Variants in FHIT observed in about 807,000 individuals in gnomAD.
FHIT encodes the protein fragile histidine triad diadenosine triphosphatase.
A neutral mutation model predicts 17.9 loss-of-function variants in FHIT; 19 were observed. That is an observed-to-expected ratio of 1.06 (90% confidence interval 0.74 to 1.56). The LOEUF (loss-of-function observed/expected upper bound fraction) is 1.56, where lower values mean the gene tolerates loss of function less well. Ranked by LOEUF, FHIT falls within the 40% of genes most tolerant of loss-of-function variation. FHIT has a pLI of 0.00. For missense variants in FHIT, 248 were observed against 189.2 expected (o/e 1.31, Z -1.82); for synonymous variants, 81 against 69.7 (o/e 1.16, Z -0.81).
intron 2 of FHIT, among the ~76,000 whole-genome samples, chr3:61,154,282 T>C (rs1282820320): frequency 6.6e-6 from 1 of 152,148 alleles, no homozygotes; most frequent in Non-Finnish European, 1.5e-5. Flanking sequence ...AACATATTAC[T>C]GGAGTAACAA....
intron 8 of FHIT, among the ~76,000 whole-genome samples, chr3:59,888,991 G>T (rs1218604299): frequency 2.6e-5 from 4 of 152,098 alleles, no homozygotes. Context: ...CTACTCCCAT[G>T]ATAACAACAT....
At chr3:60,570,071 A>G (rs1256709107) in intron 4 of FHIT, among the ~76,000 whole-genome samples, 1 of 152,114 alleles carries the variant, frequency 6.6e-6, no homozygotes, top group Admixed American at 6.6e-5. Flanking sequence ...CAAATCAATT[A>G]TATCACAGTC....
intron 8 of FHIT, among the ~76,000 whole-genome samples, chr3:59,828,789 T>C (rs1244063465): frequency 2.0e-5 from 3 of 152,096 alleles, no homozygotes; most frequent in Admixed American, 6.6e-5. Context: ...TTAAGTTTTA[T>C]ACTTTTTTAA....
intron 7 of FHIT, among the ~76,000 whole-genome samples, chr3:59,981,232 T>G (rs1364429868): frequency 6.6e-6 from 1 of 152,164 alleles, no homozygotes; most frequent in Non-Finnish European, 1.5e-5. Flanking sequence ...TATTCCTGAA[T>G]CCAGACACAT....
At chr3:60,459,687 C>T (rs1322355041) in intron 5 of FHIT, among the ~76,000 whole-genome samples, 1 of 152,158 alleles carries the variant, frequency 6.6e-6, no homozygotes. Flanking sequence ...ATGCTTTTCA[C>T]TTAATACTGT....
intron 3 of FHIT, among the ~76,000 whole-genome samples, chr3:61,027,479 T>C (rs74741154): frequency 0.023 from 3,577 of 152,366 alleles, 146 homozygotes; most frequent in African/African-American, 0.079. Context: ...TACATGTATC[T>C]CTTCCTAATT....
intron 7 of FHIT, among the ~76,000 whole-genome samples, chr3:59,947,482 G>C (rs962704252): frequency 2.0e-5 from 3 of 151,934 alleles, no homozygotes; most frequent in Non-Finnish European, 4.4e-5. Context: ...TTGATCTTTT[G>C]TATGGTTTTC....
chr3:60,019,935 C>A (rs1441182902), intron 5 of FHIT, among the ~76,000 whole-genome samples: 1 of 152,140 alleles, frequency 6.6e-6, no homozygotes, highest in East Asian at 1.9e-4. Flanking sequence ...AAACTTATGG[C>A]AGAATAATCG....
At chr3:60,962,229 TTGTC>T (rs1280363105) in intron 3 of FHIT, among the ~76,000 whole-genome samples, 4 of 152,214 alleles carry the variant, frequency 2.6e-5, no homozygotes, top group Non-Finnish European at 4.4e-5. Context: ...GGCTCTCTGT[TTGTC>T]TGTTATTGGT....
intron 5 of FHIT, among the ~76,000 whole-genome samples, chr3:60,354,625 C>T (rs2106959071): frequency 8.8e-6 from 1 of 113,632 alleles, no homozygotes; most frequent in East Asian, 2.0e-4. Flanking sequence ...AGAGGATTAG[C>T]TCACTGCTGA....
In FHIT at chr3:59,802,175, T is replaced by TA. The variant is rs34222977; in HGVS notation, c.349-49855dup. ...ATTTAAAAAATAATTAGACTTGTAT[T>TA]AAAAAAAAAAAATGTGTACCTAGTG... On this transcript the variant is annotated intron_variant, in intron 8 of 9. Coordinates refer to ENST00000492590, the MANE Select transcript of FHIT (RefSeq NM_002012.4). Among the ~76,000 whole-genome samples, 700 of 150,156 alleles carry TA rather than the reference T, an allele frequency of 4.7e-3. 6 individuals are homozygous for TA. Among genetic ancestry groups the TA allele is most frequent in the African/African-American group, 0.016 (633 of 40,766 alleles).
chr3:60,551,801 T>G (rs377174156), intron 4 of FHIT, among the ~76,000 whole-genome samples: 4 of 151,130 alleles, frequency 2.6e-5, no homozygotes, highest in African/African-American at 7.3e-5. Flanking sequence ...TATGCCCCAT[T>G]CCCAGATTAT....
chr3:59,858,976 T>C (rs986338749), intron 8 of FHIT, among the ~76,000 whole-genome samples: 1 of 152,148 alleles, frequency 6.6e-6, no homozygotes, highest in African/African-American at 2.4e-5. Context: ...GTTGACTGGG[T>C]CTCAAAGCAT....
chr3:60,098,899 T>C (rs1396180023), intron 5 of FHIT, among the ~76,000 whole-genome samples: 3 of 152,154 alleles, frequency 2.0e-5, no homozygotes, highest in Non-Finnish European at 4.4e-5. Context: ...TCAGCACCCC[T>C]AACCCCTGTG....
chr3:61,186,067 A>T (rs948457355), intron 2 of FHIT, among the ~76,000 whole-genome samples: 1 of 152,218 alleles, frequency 6.6e-6, no homozygotes, highest in African/African-American at 2.4e-5. Context: ...CATATTTCAC[A>T]TTCAATTTTG....
chr3:59,912,809 A>T lies in FHIT; in HGVS notation c.348+9537T>A, dbSNP rs144143019. Among the ~76,000 whole-genome samples, 528 of 152,318 alleles carry T rather than the reference A, an allele frequency of 3.5e-3. 2 individuals carry two copies. The highest frequency in any genetic ancestry group is 6.2e-3 in the Non-Finnish European group (420 of 68,030). On this transcript the variant is annotated intron_variant, in intron 8 of 9. Coordinates refer to ENST00000492590, the MANE Select transcript of FHIT (RefSeq NM_002012.4). ...GGTACTGGTGCAACTGGCCTACAAG[A>T]TATTTATGGTCCATTAAGAGTTGTA...
intron 4 of FHIT, among the ~76,000 whole-genome samples, chr3:60,695,745 G>A (rs782228355): frequency 2.6e-5 from 4 of 152,190 alleles, no homozygotes; most frequent in African/African-American, 4.8e-5. Context: ...CAAGATTGTA[G>A]AGGCTCTGCC....
intron 5 of FHIT, among the ~76,000 whole-genome samples, chr3:60,223,923 C>T (rs1049000752): frequency 1.3e-5 from 2 of 152,092 alleles, no homozygotes; most frequent in African/African-American, 4.8e-5. Flanking sequence ...GCCCGTGCTG[C>T]GTCCTGTTCT....
At chr3:60,852,674 T>A (rs1283210490) in intron 3 of FHIT, among the ~76,000 whole-genome samples, 3 of 151,956 alleles carry the variant, frequency 2.0e-5, no homozygotes, top group Non-Finnish European at 4.4e-5. Flanking sequence ...AAGGATATAG[T>A]GAGAATAAAC....
Sources: gnomAD v4.1 joint callset for allele counts (sites outside exome capture counted in the v4.1 genomes callset) on GRCh38, gnomAD v4.1.1 for gene constraint, MANE v1.5 for transcripts, NCBI Gene and HGNC (gene_info 2026-07-23, HGNC 2026-07-21) for gene names.